The following HS6ST3 variants were observed in gnomAD, a reference collection of about 807,000 sequenced individuals.
HS6ST3 encodes the protein heparan sulfate 6-O-sulfotransferase 3.
HS6ST3 carries 12 observed loss-of-function variants against 36.7 expected under a neutral mutation model. That is an observed-to-expected ratio of 0.33 (90% confidence interval 0.21 to 0.53). The LOEUF is 0.53. Ranked by LOEUF, HS6ST3 falls within the 20% of genes least tolerant of loss-of-function variation. HS6ST3 has a pLI of 0.95. For synonymous variants in HS6ST3, 240 were observed against 257.5 expected (o/e 0.93, Z 0.65); for missense variants, 584 against 640.9 (o/e 0.91, Z 0.96).
At chr13:96,211,088 G>A (rs1472108714) in intron 1 of HS6ST3, among the ~76,000 whole-genome samples, 1 of 151,686 alleles carries the variant, frequency 6.6e-6, no homozygotes, top group Admixed American at 6.6e-5. Flanking sequence ...GTGCCACTAC[G>A]CCCAGCTAAT....
At chr13:96,460,958 A>G (rs534293361) in intron 1 of HS6ST3, among the ~76,000 whole-genome samples, 3 of 152,376 alleles carry the variant, frequency 2.0e-5, no homozygotes, top group Admixed American at 1.3e-4. Context: ...CGTAAGTGCT[A>G]TGGAACAACC....
At chr13:96,616,131 G>A (rs2056473535) in intron 1 of HS6ST3, among the ~76,000 whole-genome samples, 1 of 152,106 alleles carries the variant, frequency 6.6e-6, no homozygotes, top group South Asian at 2.1e-4. Flanking sequence ...TAGAAAGCAA[G>A]AATGGTATCA....
At chr13:96,555,071 C>A (rs2056235019) in intron 1 of HS6ST3, among the ~76,000 whole-genome samples, 1 of 151,294 alleles carries the variant, frequency 6.6e-6, no homozygotes, top group Non-Finnish European at 1.5e-5. Flanking sequence ...CAGAGTGAGA[C>A]CCTGTCTCAA....
At chr13:96,482,230 G>A (rs1319676530) in intron 1 of HS6ST3, among the ~76,000 whole-genome samples, 1 of 152,102 alleles carries the variant, frequency 6.6e-6, no homozygotes, top group African/African-American at 2.4e-5. Context: ...CTATGACACT[G>A]ATCTTCGGGG....
intron 1 of HS6ST3, among the ~76,000 whole-genome samples, chr13:96,608,335 A>G (rs74980489): frequency 2.2e-3 from 336 of 152,346 alleles, no homozygotes; most frequent in Middle Eastern, 0.01. Flanking sequence ...CCATTTTGCA[A>G]TTTCCAATGA....
chr13:96,337,660 G>A (rs1267965004), intron 1 of HS6ST3, among the ~76,000 whole-genome samples: 1 of 152,052 alleles, frequency 6.6e-6, no homozygotes, highest in Admixed American at 6.5e-5. Flanking sequence ...CATCTCTATA[G>A]CTGAGAATTT....
At chr13:96,652,685 G>T (rs1055404745) in intron 1 of HS6ST3, among the ~76,000 whole-genome samples, 1 of 152,042 alleles carries the variant, frequency 6.6e-6, no homozygotes, top group Non-Finnish European at 1.5e-5. Flanking sequence ...TGGAAGATTG[G>T]ATTCAGCAAC....
chr13:96,210,412 G>A (rs2054392975), intron 1 of HS6ST3, among the ~76,000 whole-genome samples: 2 of 152,112 alleles, frequency 1.3e-5, no homozygotes, highest in African/African-American at 2.4e-5. Context: ...CAACTTTGGC[G>A]GGTCCTGAGG....
intron 1 of HS6ST3, among the ~76,000 whole-genome samples, chr13:96,560,866 C>A (rs542781342): frequency 6.6e-6 from 1 of 152,216 alleles, no homozygotes; most frequent in Admixed American, 6.5e-5. Flanking sequence ...AATTACCCAA[C>A]ACTGATGAAA....
intron 1 of HS6ST3, among the ~76,000 whole-genome samples, chr13:96,330,740 A>G (rs1288789856): frequency 7.5e-4 from 113 of 150,530 alleles, no homozygotes; most frequent in South Asian, 1.5e-3. Context: ...ACCTTGCTAG[A>G]TTGGGGAAGT....
At chr13:96,552,026 A>G (rs2056221354) in intron 1 of HS6ST3, among the ~76,000 whole-genome samples, 1 of 152,206 alleles carries the variant, frequency 6.6e-6, no homozygotes. Flanking sequence ...ATACAGAATA[A>G]GTCAGCTGTT....
intron 1 of HS6ST3, among the ~76,000 whole-genome samples, chr13:96,721,563 A>G (rs1875846425): frequency 6.6e-6 from 1 of 152,138 alleles, no homozygotes; most frequent in African/African-American, 2.4e-5. Context: ...AATAATAATA[A>G]TATATTCTAT....
chr13:96,659,949 A>G (rs1043874879), intron 1 of HS6ST3, among the ~76,000 whole-genome samples: 1 of 152,164 alleles, frequency 6.6e-6, no homozygotes, highest in East Asian at 1.9e-4. Flanking sequence ...GACAATAAAC[A>G]TTCAACATAA....
chr13:96,182,488 A>C lies in HS6ST3; in HGVS notation c.707+90919A>C, dbSNP rs572664770. Among the ~76,000 whole-genome samples the C allele has an allele frequency of 4.6e-5, 7 of 152,348 alleles. No homozygotes were observed. The East Asian group carries it at 1.3e-3, about 29-fold the overall frequency. The stretch of plus-strand genomic sequence containing the variant: ...AACTGCAATTAGATATTCATGGGTA[A>C]TATTCTTAAGTTTGTGAAGTAGAAT... On this transcript the variant is annotated intron_variant, in intron 1 of 1. Transcript: ENST00000376705.
intron 1 of HS6ST3, among the ~76,000 whole-genome samples, chr13:96,124,985 T>C (rs1006039651): frequency 1.3e-5 from 2 of 152,150 alleles, no homozygotes; most frequent in Non-Finnish European, 2.9e-5. Flanking sequence ...AAAAAAGATA[T>C]TAGAGTATGA....
intron 1 of HS6ST3, among the ~76,000 whole-genome samples, chr13:96,183,667 C>G (rs1420954307): frequency 6.6e-6 from 1 of 152,050 alleles, no homozygotes; most frequent in Non-Finnish European, 1.5e-5. Context: ...ATGAAATAAG[C>G]CAGTTACAAA....
chr13:96,658,296 T>TTTTTTTTTTTTTTTTTTTTTTTTTTTTTC lies in HS6ST3; in HGVS notation c.708-174192_708-174191insTTTTTTTTTTTTTTTTTTTTTTTTTTCTT, dbSNP rs1467303957. Reference sequence around the variant, plus strand: ...TTTTTTTTTTTTTTTTTTTTTTTTTTTTGAGATGGCGTCTCACTCTGTTAC... The same window carrying TTTTTTTTTTTTTTTTTTTTTTTTTTTTTC: ...TTTTTTTTTTTTTTTTTTTTTTTTTTTTTTTTTTTTTTTTTTTTTTTTTTTTTTCTTGAGATGGCGTCTCACTCTGTTAC... On this transcript the variant is annotated intron_variant, in intron 1 of 1. Transcript: ENST00000376705. Among the ~76,000 whole-genome samples the TTTTTTTTTTTTTTTTTTTTTTTTTTTTTC allele has an allele frequency of 1.5e-4, 13 of 87,444 alleles. 1 individual carries two copies. Among genetic ancestry groups the TTTTTTTTTTTTTTTTTTTTTTTTTTTTTC allele is most frequent in the Non-Finnish European group, 2.4e-4 (10 of 41,554 alleles). The allele number at this position is 87,444 out of a possible 152,430, so 57.4% of individuals were successfully genotyped here.
At chr13:96,120,894 A>ATAT (rs2053922386) in intron 1 of HS6ST3, among the ~76,000 whole-genome samples, 4 of 152,328 alleles carry the variant, frequency 2.6e-5, no homozygotes, top group Non-Finnish European at 4.4e-5. Flanking sequence ...GGAACGTTGT[A>ATAT]TATTAGGTCA....
intron 1 of HS6ST3, among the ~76,000 whole-genome samples, chr13:96,437,214 T>C (rs2055647283): frequency 6.6e-6 from 1 of 152,220 alleles, no homozygotes; most frequent in African/African-American, 2.4e-5. Flanking sequence ...CACATCCAGA[T>C]CAGGCCCATT....
Sources: allele counts gnomAD v4.1 joint callset (sites outside exome capture counted in the v4.1 genomes callset), GRCh38; gene constraint gnomAD v4.1.1; transcripts MANE v1.5; gene names NCBI Gene and HGNC (gene_info 2026-07-23, HGNC 2026-07-21).